The following PHAF1 variants were observed in gnomAD, a reference collection of about 807,000 sequenced individuals.
PHAF1 encodes phagophore assembly factor 1.
In PHAF1, 23 loss-of-function variants were observed where a neutral mutation model predicts 63.1. The ratio of observed to expected loss-of-function variants is 0.36; its 90% CI spans 0.26 to 0.52. PHAF1 has a LOEUF of 0.52. PHAF1 is among the 20% of genes least tolerant of loss of function. PHAF1 has a pLI of 0.93. For synonymous variants in PHAF1, 167 were observed against 185.0 expected (o/e 0.90, Z 0.79); for missense variants, 427 against 517.2 (o/e 0.83, Z 1.69).
intron 10 of PHAF1, 96 bp downstream of exon 10, chr16:67,140,690 C>T (rs1963776672): frequency 3.0e-6 from 3 of 1,013,762 alleles, no homozygotes; most frequent in South Asian, 2.7e-5. Context: ...GGAACCATGC[C>T]TGGACATTGG....
intron 1 of PHAF1, among the ~76,000 whole-genome samples, chr16:67,116,107 C>T (rs1241640867): frequency 1.3e-5 from 2 of 152,210 alleles, no homozygotes; most frequent in Admixed American, 6.5e-5. Flanking sequence ...GATGTTTGTC[C>T]ATTCCTCCTG....
In PHAF1 at chr16:67,140,039, G is replaced by A. The variant is rs1963749299; in HGVS notation, c.717G>A (p.Val239=). 1 of 1,614,136 alleles carries A rather than the reference G, an allele frequency of 6.2e-7. No individual in the cohort carries two copies. The highest frequency in any genetic ancestry group is 1.1e-5 in the South Asian group (1 of 91,072). ...DAKMRVFERS[V]YFGDSCQDVL... ...AGATGCGGGTATTTGAACGTTCAGT[G>A]TATTTTGGTGATTCCTGCCAAGATG... The change falls in exon 9 of 16, where the codon GTG becomes GTA. Residue 239 remains valine, a synonymous_variant. Coordinates refer to ENST00000219139, the MANE Select transcript of PHAF1 (RefSeq NM_025187.5).
intron 3 of PHAF1, among the ~76,000 whole-genome samples, chr16:67,126,996 C>A (rs1963219333): frequency 6.6e-6 from 1 of 151,332 alleles, no homozygotes; most frequent in Admixed American, 6.6e-5. Context: ...TTAAGCAATT[C>A]TCCTGCCTCA....
intron 4 of PHAF1, among the ~76,000 whole-genome samples, chr16:67,131,815 A>G (rs1462940557): frequency 6.6e-6 from 1 of 152,156 alleles, no homozygotes; most frequent in East Asian, 1.9e-4. Flanking sequence ...TTGCGCCCCC[A>G]TTATGGCAAG....
intron 2 of PHAF1, among the ~76,000 whole-genome samples, chr16:67,125,726 GGAGA>G (rs1233875472): frequency 6.6e-6 from 1 of 152,184 alleles, no homozygotes; most frequent in Non-Finnish European, 1.5e-5. Context: ...AGCCCAGAAG[GGAGA>G]GGCTCTTTTC....
intron 2 of PHAF1, among the ~76,000 whole-genome samples, chr16:67,125,365 G>C (rs1335246643): frequency 6.6e-6 from 1 of 152,192 alleles, no homozygotes; most frequent in South Asian, 2.1e-4. Flanking sequence ...GGGATGGGAG[G>C]CTGGGGGGAG....
intron 3 of PHAF1, 103 bp from the exon 4 acceptor site, chr16:67,131,180 GTTT>G (rs71145961): frequency 2.6e-3 from 637 of 248,430 alleles, no homozygotes; most frequent in Middle Eastern, 3.2e-3. Flanking sequence ...ATTGGTAATA[GTTT>G]TTTTTTTTTT....
chr16:67,115,102 GAGA>G (rs148948970), intron 1 of PHAF1, among the ~76,000 whole-genome samples: 5,534 of 152,248 alleles, frequency 0.036, 145 homozygotes, highest in South Asian at 0.078. Flanking sequence ...AGGAGTTCAA[GAGA>G]AGGAGGGTGG....
At chr16:67,144,184 A>C (rs1963908487) in intron 10 of PHAF1, 110 bp from the exon 11 acceptor site, 2 of 720,786 alleles carry the variant, frequency 2.8e-6, no homozygotes, top group Non-Finnish European at 5.0e-6. Flanking sequence ...GCCTGCAGGC[A>C]TTCTTGCTGT....
chr16:67,133,501 TAAAAAA>T (rs757439473), intron 6 of PHAF1, among the ~76,000 whole-genome samples: 15 of 99,794 alleles, frequency 1.5e-4, no homozygotes, highest in Admixed American at 1.3e-3. Context: ...CCAAAAATAT[TAAAAAA>T]AAAAAAAAAA....
At chr16:67,145,448 G>A in intron 13 of PHAF1, 29 bp downstream of exon 13, 2 of 1,614,076 alleles carry the variant, frequency 1.2e-6, no homozygotes, top group Non-Finnish European at 1.7e-6. Context: ...ACCTGGCATA[G>A]CCTGAGAATG....
intron 8 of PHAF1, among the ~76,000 whole-genome samples, chr16:67,139,314 T>C (rs1345320545): frequency 6.6e-6 from 1 of 150,418 alleles, no homozygotes; most frequent in East Asian, 1.9e-4. Context: ...GCTCCAGTGA[T>C]GGAGCTTATG....
Position 67,148,439 on chromosome 16 carries a change from G to A in PHAF1, c.*1308G>A, listed in dbSNP as rs1462541455. On this transcript the variant is annotated 3_prime_UTR_variant, in exon 16 of 16. Transcript: ENST00000219139. ...GGACTGTTCCCATCCTCCTGGAATG[G>A]GGGAACCTTCCTTATCCCCTGCCCA... is the stretch of plus-strand genomic sequence containing the variant. The A allele has an allele frequency of 6.6e-6, 1 of 152,596 alleles. No homozygotes were observed. The highest frequency in any genetic ancestry group is 1.5e-5 in the Non-Finnish European group (1 of 68,048). The allele number at this position is 152,596 out of a possible 1,614,324, so 9.5% of individuals were successfully genotyped here.
intron 10 of PHAF1, among the ~76,000 whole-genome samples, chr16:67,142,811 C>G (rs1465423592): frequency 2.0e-5 from 3 of 152,212 alleles, no homozygotes; most frequent in African/African-American, 7.2e-5. Context: ...CTCACCTGTT[C>G]CCAGTTCCCA....
chr16:67,141,392 T>A (rs989697150), intron 10 of PHAF1, among the ~76,000 whole-genome samples: 1 of 152,184 alleles, frequency 6.6e-6, no homozygotes, highest in Non-Finnish European at 1.5e-5. Flanking sequence ...GGGCCAGTGA[T>A]GATAGTATCT....
intron 1 of PHAF1, among the ~76,000 whole-genome samples, chr16:67,117,686 G>A (rs1261198007): frequency 6.6e-6 from 1 of 151,500 alleles, no homozygotes; most frequent in African/African-American, 2.4e-5. Context: ...CGTGAACCCA[G>A]GAGGCGGAGC....
intron 2 of PHAF1, among the ~76,000 whole-genome samples, chr16:67,120,474 G>C (rs1317797050): frequency 1.3e-5 from 2 of 151,842 alleles, no homozygotes; most frequent in African/African-American, 4.8e-5. Flanking sequence ...TCAGTGGTAG[G>C]TCGCTTCAGA....
intron 8 of PHAF1, chr16:67,134,835 C>T (rs1461389521): frequency 2.5e-6 from 1 of 405,692 alleles, no homozygotes; most frequent in Non-Finnish European, 4.9e-6. Flanking sequence ...AAGCCCTGAC[C>T]TTCTAATACC....
chr16:67,113,397 A>C (rs1045078816), intron 1 of PHAF1, among the ~76,000 whole-genome samples: 2 of 152,080 alleles, frequency 1.3e-5, no homozygotes, highest in African/African-American at 4.8e-5. Flanking sequence ...TTTGACCAGC[A>C]GTGGAGTAAA....
Sources: allele counts gnomAD v4.1 joint callset (sites outside exome capture counted in the v4.1 genomes callset), GRCh38; gene constraint gnomAD v4.1.1; transcripts MANE v1.5; gene names NCBI Gene and HGNC (gene_info 2026-07-23, HGNC 2026-07-21).